USP43: variants seen among roughly 807,000 people sequenced by gnomAD.
The protein encoded by USP43 is ubiquitin carboxyl-terminal hydrolase 43.
In USP43, 33 loss-of-function variants were observed where a neutral mutation model predicts 90.7. That is an observed-to-expected ratio of 0.36 (90% CI 0.28 to 0.49). The LOEUF is 0.49. Among genes scored for constraint, USP43 ranks in the 20% least tolerant of loss-of-function variants. USP43 has a pLI of 0.98. For synonymous variants in USP43, 598 were observed against 615.8 expected (o/e 0.97, Z 0.43); for missense variants, 1,274 against 1,476.4 (o/e 0.86, Z 2.25).
At chr17:9,673,024 T>G (rs943254707) in intron 3 of USP43, among the ~76,000 whole-genome samples, 1 of 152,200 alleles carries the variant, frequency 6.6e-6, no homozygotes, top group Non-Finnish European at 1.5e-5. Flanking sequence ...ATCCCGGTAA[T>G]GTCATACAGT....
At chr17:9,714,470 A>G (rs1367002033) in intron 14 of USP43, among the ~76,000 whole-genome samples, 1 of 151,998 alleles carries the variant, frequency 6.6e-6, no homozygotes, top group East Asian at 1.9e-4. Context: ...TCATGGGGTC[A>G]GGAGTTCGAG....
intron 6 of USP43, among the ~76,000 whole-genome samples, chr17:9,682,174 G>A (rs1285994859): frequency 6.6e-6 from 1 of 152,110 alleles, no homozygotes; most frequent in Admixed American, 6.5e-5. Context: ...AGATAAACTG[G>A]GGACTCTGTA....
At chr17:9,661,878 T>C (rs755272633) in intron 2 of USP43, among the ~76,000 whole-genome samples, 2 of 151,962 alleles carry the variant, frequency 1.3e-5, no homozygotes, top group South Asian at 4.2e-4. Context: ...ATTGAACCCA[T>C]TGAATTCTTG....
chr17:9,687,206 A>C (rs1357335799), intron 8 of USP43, among the ~76,000 whole-genome samples: 3 of 152,166 alleles, frequency 2.0e-5, no homozygotes, highest in Non-Finnish European at 2.9e-5. Flanking sequence ...CATTAAAACG[A>C]AATTTTTTTT....
intron 14 of USP43, among the ~76,000 whole-genome samples, chr17:9,719,068 C>T (rs1916777402): frequency 1.3e-5 from 2 of 151,936 alleles, no homozygotes; most frequent in South Asian, 4.2e-4. Context: ...GTGGAGGTTG[C>T]AGTAAGCTGA....
intron 9 of USP43, among the ~76,000 whole-genome samples, chr17:9,699,327 C>A (rs116435376): frequency 0.34 from 51,247 of 151,696 alleles, 10,417 homozygotes; most frequent in East Asian, 0.69. Flanking sequence ...GGGAGAACTT[C>A]TCCCAGACAC....
intron 1 of USP43, among the ~76,000 whole-genome samples, chr17:9,654,590 A>C (rs1912101716): frequency 1.3e-5 from 2 of 150,114 alleles, no homozygotes; most frequent in Admixed American, 1.3e-4. Context: ...TGGAGATTGC[A>C]GTGAGCTGAG....
chr17:9,710,284 C>T (rs778797154), intron 13 of USP43, among the ~76,000 whole-genome samples, 170 bp downstream of exon 13: 1 of 152,044 alleles, frequency 6.6e-6, no homozygotes, highest in East Asian at 1.9e-4. Context: ...GCTCATTTAC[C>T]AGGGTGTGGG....
At chr17:9,683,043 A>C in intron 7 of USP43, 85 bp downstream of exon 7, 1 of 1,501,806 alleles carries the variant, frequency 6.7e-7, no homozygotes, top group Non-Finnish European at 9.0e-7. Context: ...AAAATTAAAC[A>C]TTTATTCCCA....
intron 2 of USP43, among the ~76,000 whole-genome samples, chr17:9,657,136 A>T (rs2151964036): frequency 6.6e-6 from 1 of 152,324 alleles, no homozygotes. Context: ...CTAGTCCTTT[A>T]TCTTGTACTT....
chr17:9,723,847 G>A (rs1917108147), intron 14 of USP43, among the ~76,000 whole-genome samples: 1 of 152,006 alleles, frequency 6.6e-6, no homozygotes, highest in African/African-American at 2.4e-5. Flanking sequence ...GACCTCAGGT[G>A]ATCCACCCGC....
At chr17:9,649,615 G>A (rs1911715314) in intron 1 of USP43, among the ~76,000 whole-genome samples, 1 of 148,036 alleles carries the variant, frequency 6.8e-6, no homozygotes, top group Non-Finnish European at 1.5e-5. Context: ...CCTTATAGGT[G>A]AGAATACGCA....
At chr17:9,663,811 GA>G (rs146441412) in intron 2 of USP43, among the ~76,000 whole-genome samples, 1 of 152,000 alleles carries the variant, frequency 6.6e-6, no homozygotes, top group Non-Finnish European at 1.5e-5. Flanking sequence ...TTTTGGTAGA[GA>G]CGAGGTTTCG....
intron 14 of USP43, among the ~76,000 whole-genome samples, chr17:9,719,263 C>A (rs1659824683): frequency 6.6e-6 from 1 of 152,208 alleles, no homozygotes; most frequent in South Asian, 2.1e-4. Flanking sequence ...TTTCTCAGTT[C>A]TCCCAAGGAG....
chr17:9,681,179 AATATAC>A lies in USP43; in HGVS notation c.1105+814_1105+819del, dbSNP rs1567660760. ...ATATACTATATAATATATACTATAT[AATATAC>A]TATATAATATATACTATATAATATA... On this transcript the variant is annotated intron_variant, in intron 6 of 14. Transcript: ENST00000285199. 4.8e-3 allele frequency among the ~76,000 whole-genome samples: 278 copies of A among 57,692 alleles called. 15 individuals carry two copies. The East Asian group carries it at 0.063, about 13-fold the overall frequency. 37.8% of individuals were successfully genotyped at this position (57,692 alleles called of 152,430 possible).
intron 1 of USP43, among the ~76,000 whole-genome samples, chr17:9,650,210 CAAAT>C (rs2151960477): frequency 6.6e-6 from 1 of 152,268 alleles, no homozygotes; most frequent in South Asian, 2.1e-4. Flanking sequence ...TTAATTCCTA[CAAAT>C]GGAATTACAT....
At chr17:9,687,479 C>T (rs1914659150) in intron 8 of USP43, among the ~76,000 whole-genome samples, 1 of 152,030 alleles carries the variant, frequency 6.6e-6, no homozygotes, top group Admixed American at 6.6e-5. Flanking sequence ...AAACATTTGC[C>T]TTATTTATTT....
intron 14 of USP43, among the ~76,000 whole-genome samples, chr17:9,727,570 C>A (rs9889256): frequency 0.065 from 9,847 of 151,866 alleles, 579 homozygotes; most frequent in East Asian, 0.33. Context: ...GTACAAGGAC[C>A]TAATATGACC....
intron 3 of USP43, among the ~76,000 whole-genome samples, chr17:9,671,126 G>A (rs1036943577): frequency 6.6e-6 from 1 of 152,186 alleles, no homozygotes; most frequent in Non-Finnish European, 1.5e-5. Context: ...GGCTGGGGGA[G>A]AGAAAAGGAA....
Sources: gnomAD v4.1 joint callset for allele counts (sites outside exome capture counted in the v4.1 genomes callset) on GRCh38, gnomAD v4.1.1 for gene constraint, MANE v1.5 for transcripts, NCBI Gene and HGNC (gene_info 2026-07-23, HGNC 2026-07-21) for gene names.